ARFGAP3: variants seen among roughly 807,000 people sequenced by gnomAD.
The protein encoded by ARFGAP3 is ARF GTPase activating protein 3, also known as ADP-ribosylation factor GTPase-activating protein 3.
ARFGAP3 carries 72 observed loss-of-function variants against 75.0 expected under a neutral mutation model. That is an observed-to-expected ratio of 0.96 (90% CI 0.79 to 1.17). The LOEUF (loss-of-function observed/expected upper bound fraction) is 1.17, where lower values mean the gene tolerates loss of function less well. Among genes scored for constraint, ARFGAP3 ranks in the 50% most tolerant of loss-of-function variants. The pLI is 0.00. For synonymous variants in ARFGAP3, 221 were observed against 217.9 expected (o/e 1.01, Z -0.13); for missense variants, 620 against 626.6 (o/e 0.99, Z 0.11).
intron 7 of ARFGAP3, among the ~76,000 whole-genome samples, chr22:42,825,465 G>C (rs1387025194): frequency 3.9e-5 from 6 of 152,010 alleles, no homozygotes; most frequent in Admixed American, 6.6e-5. Context: ...CCTGAGGTCA[G>C]GAGTTTGAGA....
chr22:42,798,744 C>T (rs996730097), intron 15 of ARFGAP3, among the ~76,000 whole-genome samples: 4 of 152,184 alleles, frequency 2.6e-5, no homozygotes, highest in African/African-American at 9.7e-5. Context: ...TGTGATGTGG[C>T]ATTACAGATA....
In ARFGAP3 at chr22:42,857,124, G is replaced by T; in HGVS notation, c.59C>A (p.Pro20His). 6.6e-7 allele frequency: 1 copy of T among 1,514,424 alleles called. No individual in the cohort carries two copies. The highest frequency in any genetic ancestry group is 8.9e-7 in the Non-Finnish European group (1 of 1,129,726). The allele number at this position is 1,514,424 out of a possible 1,614,324, so 93.8% of individuals were successfully genotyped here. A position where few individuals can be genotyped will look rare whatever the true frequency, so the allele number is the denominator to read the frequency against. ...GCCCGCGGCCGCTACCTTGTTAGTG[G>T]GCACCGAGCGGAGGCGCTTGAAGAT... The part of the protein sequence containing the change: ...LTIFKRLRSV[P>H]TNKVCFDCGA... Residue 20 changes from proline to histidine, a missense_variant, in exon 1 of 16, where the codon CCC (proline) becomes CAC (histidine). By Grantham distance (77) the Pro-to-His change is moderately conservative (BLOSUM62 -2). Transcript: ENST00000263245.
intron 11 of ARFGAP3, among the ~76,000 whole-genome samples, chr22:42,812,433 C>T (rs551468527): frequency 9.9e-5 from 15 of 152,096 alleles, no homozygotes; most frequent in Admixed American, 3.9e-4. Context: ...AGGTTTTCTC[C>T]AGAGAGTAAG....
chr22:42,826,251 A>C (rs1458667891), intron 7 of ARFGAP3, among the ~76,000 whole-genome samples: 1 of 152,232 alleles, frequency 6.6e-6, no homozygotes, highest in African/African-American at 2.4e-5. Context: ...AGAGAAGAAA[A>C]TGAGTTCTTG....
At chr22:42,853,462 G>C (rs1321271902) in intron 1 of ARFGAP3, 1 of 220,308 alleles carries the variant, frequency 4.5e-6, no homozygotes, top group African/African-American at 2.3e-5. Flanking sequence ...GCCATCCTTG[G>C]GCTCTAGGAA....
chr22:42,831,935 A>G (rs527962233), intron 5 of ARFGAP3, among the ~76,000 whole-genome samples: 2 of 152,098 alleles, frequency 1.3e-5, no homozygotes, highest in Non-Finnish European at 2.9e-5. Context: ...GGCATGTGCC[A>G]CCACGCCCAG....
chr22:42,809,912 G>A (rs1213721515), intron 12 of ARFGAP3, among the ~76,000 whole-genome samples: 4 of 150,410 alleles, frequency 2.7e-5, no homozygotes, highest in African/African-American at 7.4e-5. Flanking sequence ...GCTGAGGCAG[G>A]AGAATGGTGT....
At chr22:42,832,300 G>A (rs1178920852) in intron 5 of ARFGAP3, among the ~76,000 whole-genome samples, 1 of 152,084 alleles carries the variant, frequency 6.6e-6, no homozygotes, top group East Asian at 1.9e-4. Flanking sequence ...GGCTGCGGCA[G>A]GCAGATCACC....
rs191866601 is a variant in ARFGAP3, at chr22:42,823,123, T to C, written c.672+533A>G. On this transcript the variant is annotated intron_variant, in intron 8 of 15. Transcript: ENST00000263245. ...CTACGCCTGGCCTATTGTTTTTTTT[T>C]CCCCCCCAAATAATTTTGATCTGCA... is the stretch of plus-strand genomic sequence containing the variant. Among the ~76,000 whole-genome samples the C allele has an allele frequency of 5.5e-4, 84 of 151,438 alleles. No individual in the cohort carries two copies. In the East Asian group the frequency reaches 0.015, roughly 26 times the overall value.
intron 2 of ARFGAP3, among the ~76,000 whole-genome samples, chr22:42,842,011 C>CTTTT (rs55825441): frequency 3.3e-5 from 3 of 91,272 alleles, no homozygotes; most frequent in East Asian, 3.1e-4. Flanking sequence ...CCATGCCGGG[C>CTTTT]TTTTTTTTTT....
intron 6 of ARFGAP3, among the ~76,000 whole-genome samples, chr22:42,830,570 TG>T (rs1926241545): frequency 6.6e-6 from 1 of 152,238 alleles, no homozygotes; most frequent in African/African-American, 2.4e-5. Context: ...GTTACATTTT[TG>T]TTGTTAATTT....
intron 6 of ARFGAP3, among the ~76,000 whole-genome samples, chr22:42,829,109 CTT>C (rs1926172792): frequency 6.6e-6 from 1 of 152,186 alleles, no homozygotes; most frequent in African/African-American, 2.4e-5. Context: ...TCTTTCTTCT[CTT>C]CTCTCTGATT....
At chr22:42,837,923 C>A (rs955026590) in intron 3 of ARFGAP3, among the ~76,000 whole-genome samples, 1 of 151,136 alleles carries the variant, frequency 6.6e-6, no homozygotes, top group Non-Finnish European at 1.5e-5. Flanking sequence ...CCTCCTGCCT[C>A]GGCCTCCCAA....
intron 14 of ARFGAP3, among the ~76,000 whole-genome samples, chr22:42,803,340 C>A (rs75431888): frequency 0.038 from 5,850 of 152,184 alleles, 158 homozygotes; most frequent in African/African-American, 0.074. Flanking sequence ...CTCCTAGACC[C>A]TGGGCTGGAG....
intron 7 of ARFGAP3, among the ~76,000 whole-genome samples, chr22:42,825,834 T>C (rs759948718): frequency 6.6e-6 from 1 of 152,222 alleles, no homozygotes; most frequent in Admixed American, 6.5e-5. Context: ...TTTAGAATTA[T>C]GTCTAAGAAA....
At chr22:42,849,976 G>T (rs185452952) in intron 1 of ARFGAP3, among the ~76,000 whole-genome samples, 2 of 152,152 alleles carry the variant, frequency 1.3e-5, no homozygotes, top group East Asian at 3.9e-4. Flanking sequence ...TGAAAAATAG[G>T]CTTACCCATG....
intron 10 of ARFGAP3, 117 bp from the exon 11 acceptor site, chr22:42,817,381 A>G: frequency 7.2e-7 from 1 of 1,381,244 alleles, no homozygotes; most frequent in Non-Finnish European, 9.5e-7. Flanking sequence ...GGGGTTAAAA[A>G]CATAAGCAAT....
At chr22:42,843,887 G>A (rs944715096) in intron 2 of ARFGAP3, among the ~76,000 whole-genome samples, 47 of 152,330 alleles carry the variant, frequency 3.1e-4, no homozygotes, top group Non-Finnish European at 6.0e-4. Flanking sequence ...TCTGGGAGCA[G>A]TCAGCAACCA....
Position 42,797,412 on chromosome 22 carries a change from C to G in ARFGAP3, c.*176G>C. ...GTGAAACAGAAATCACAGGAAAGCT[C>G]CTACATCAGAACTCAGAATTTCTCA... On this transcript the variant is annotated 3_prime_UTR_variant, in exon 16 of 16. Transcript: ENST00000263245. 1 of 756,718 alleles carries G rather than the reference C, an allele frequency of 1.3e-6. No homozygotes were observed. Among genetic ancestry groups the G allele is most frequent in the Non-Finnish European group, 2.1e-6 (1 of 465,514 alleles). The allele number at this position is 756,718 out of a possible 1,614,324, so 46.9% of individuals were successfully genotyped here. A position where few individuals can be genotyped will look rare whatever the true frequency, so the allele number is the denominator to read the frequency against.
Sources: allele counts gnomAD v4.1 joint callset (sites outside exome capture counted in the v4.1 genomes callset), GRCh38; gene constraint gnomAD v4.1.1; transcripts MANE v1.5; gene names NCBI Gene and HGNC (gene_info 2026-07-23, HGNC 2026-07-21).